PKHD1L1: variants seen among roughly 807,000 people sequenced by gnomAD.
PKHD1L1 encodes fibrocystin-L.
PKHD1L1 carries 434 observed loss-of-function variants against 462.9 expected under a neutral mutation model. The ratio of observed to expected loss-of-function variants is 0.94; its 90% CI spans 0.87 to 1.02. PKHD1L1 has a LOEUF of 1.02. Among genes scored for constraint, PKHD1L1 ranks in the 50% least tolerant of loss-of-function variants. The probability of loss-of-function intolerance (pLI) is 0.00; values close to 1 mark genes in which losing one functional copy is unlikely to be tolerated. For synonymous variants in PKHD1L1, 1,781 were observed against 1,750.0 expected (o/e 1.02, Z -0.44); for missense variants, 5,202 against 5,096.1 (o/e 1.02, Z -0.63).
chr8:109,441,755 A>G (rs1815806775), intron 34 of PKHD1L1, among the ~76,000 whole-genome samples: 1 of 150,486 alleles, frequency 6.6e-6, no homozygotes, highest in Non-Finnish European at 1.5e-5. Context: ...TGACTTTCCA[A>G]TTTTTTTTTC....
At chr8:109,408,534 A>G (rs1813680315) in intron 18 of PKHD1L1, among the ~76,000 whole-genome samples, 1 of 152,186 alleles carries the variant, frequency 6.6e-6, no homozygotes, top group African/African-American at 2.4e-5. Flanking sequence ...GTTATCCTGT[A>G]AAATCAGAAA....
chr8:109,504,560 G>T, intron 68 of PKHD1L1, 68 bp downstream of exon 68: 1 of 1,000,758 alleles, frequency 1.0e-6, no homozygotes, highest in Non-Finnish European at 1.4e-6. Context: ...TCCTGCTCAA[G>T]ATCTGAGAAA....
chr8:109,514,509 A>G (rs548957609), intron 71 of PKHD1L1, among the ~76,000 whole-genome samples: 1 of 152,286 alleles, frequency 6.6e-6, no homozygotes, highest in East Asian at 1.9e-4. Flanking sequence ...TACCTCTAAA[A>G]ATGAGAATGG....
At position 109,362,589 on chromosome 8, in the gene PKHD1L1, C is replaced by T. The variant is rs1319538893; in HGVS notation, c.9C>T (p.His3=). Residue 3 remains histidine, a synonymous_variant, in exon 1 of 78, where the codon CAC becomes CAT. Coordinates refer to ENST00000378402, the MANE Select transcript of PKHD1L1 (RefSeq NM_177531.6). ...GCAGAACTGGCTTTTCAATGGGACA[C>T]CTGTGGCTCCTGGGTATTTGGGGCC... The part of the protein sequence containing the change: MG[H]LWLLGIWGLC... 2.5e-6 allele frequency: 4 copies of T among 1,608,716 alleles called. No homozygotes were observed. Among genetic ancestry groups the T allele is most frequent in the Non-Finnish European group, 3.4e-6 (4 of 1,177,670 alleles).
intron 68 of PKHD1L1, among the ~76,000 whole-genome samples, chr8:109,505,782 G>A (rs1184489068): frequency 6.6e-6 from 1 of 152,050 alleles, no homozygotes; most frequent in Admixed American, 6.6e-5. Context: ...GTGTACACCT[G>A]TGGTCCTAGC....
Position 109,478,600 on chromosome 8 carries a change from C to T in PKHD1L1, c.9090-951C>T, listed in dbSNP as rs537250397. 2.0e-5 allele frequency among the ~76,000 whole-genome samples: 3 copies of T among 152,076 alleles called. No individual in the cohort carries two copies. In the East Asian group the frequency reaches 5.8e-4, roughly 29 times the overall value. On this transcript the variant is annotated intron_variant, in intron 53 of 77. Transcript: ENST00000378402. ...AGGGTGGGAGAAACCTAGGGAGCAA[C>T]TTGTGCAAGTGCCCTGACATAGAAA...
At chr8:109,516,812 T>G (rs189401057) in intron 72 of PKHD1L1, among the ~76,000 whole-genome samples, 11 of 152,182 alleles carry the variant, frequency 7.2e-5, no homozygotes, top group Admixed American at 5.2e-4. Flanking sequence ...TCATTCAGAG[T>G]TAGGAAAATA....
Position 109,463,235 on chromosome 8 carries a change from A to G in PKHD1L1, c.7384-981A>G, listed in dbSNP as rs544037951. On this transcript the variant is annotated intron_variant, in intron 48 of 77. Transcript: ENST00000378402. The stretch of plus-strand genomic sequence containing the variant: ...TGTATCTTATTTATATTCAGGCTGT[A>G]TAATCACGGTTTGGCATAGTTCTTA... 8.5e-5 allele frequency among the ~76,000 whole-genome samples: 13 copies of G among 152,304 alleles called. No homozygotes were observed. In the East Asian group the frequency reaches 2.1e-3, roughly 25 times the overall value.
At chr8:109,473,705 T>C (rs910146188) in intron 50 of PKHD1L1, among the ~76,000 whole-genome samples, 5 of 152,060 alleles carry the variant, frequency 3.3e-5, no homozygotes, top group Admixed American at 2.6e-4. Context: ...CAATCATTTA[T>C]TCTTAGGTGT....
rs1455829163 is a variant in PKHD1L1 at position 109,535,970 on chromosome 8, CAAAGGGAACAA to C, written c.*5882_*5892del. On this transcript the variant is annotated 3_prime_UTR_variant, in exon 78 of 78. Coordinates refer to ENST00000378402, the MANE Select transcript of PKHD1L1 (RefSeq NM_177531.6). ...GCTCTTTCATCCTATGCCTTTAAAACAAAGGGAACAAAGAAGGGAACAAAGAAGGTAGAAGC... is the reference window on the plus strand; with the variant it reads ...GCTCTTTCATCCTATGCCTTTAAAACAGAAGGGAACAAAGAAGGTAGAAGC... 6.5e-3 allele frequency among the ~76,000 whole-genome samples: 668 copies of C among 103,478 alleles called. 17 individuals carry two copies. Among genetic ancestry groups the C allele is most frequent in the Admixed American group, 0.055 (640 of 11,614 alleles). 67.9% of individuals were successfully genotyped at this position (103,478 alleles called of 152,430 possible).
chr8:109,500,851 A>G (rs1454656451), intron 67 of PKHD1L1, among the ~76,000 whole-genome samples: 2 of 152,104 alleles, frequency 1.3e-5, no homozygotes, highest in Non-Finnish European at 2.9e-5. Flanking sequence ...AGGATCAGTT[A>G]CTTCTGCCAG....
chr8:109,380,355 T>C (rs916413363), intron 2 of PKHD1L1, among the ~76,000 whole-genome samples: 2 of 152,184 alleles, frequency 1.3e-5, no homozygotes, highest in Non-Finnish European at 2.9e-5. Context: ...AGATGCCTTT[T>C]ATATTCAGCT....
intron 17 of PKHD1L1, among the ~76,000 whole-genome samples, chr8:109,406,852 C>G (rs1199169502): frequency 6.6e-6 from 1 of 151,740 alleles, no homozygotes; most frequent in East Asian, 1.9e-4. Flanking sequence ...ATGGGAGACA[C>G]TGTATACCAT....
chr8:109,451,254 T>G (rs1401456426), intron 41 of PKHD1L1, 105 bp downstream of exon 41: 2 of 1,175,362 alleles, frequency 1.7e-6, no homozygotes, highest in African/African-American at 3.1e-5. Context: ...TCATGCAATG[T>G]GTACCTATAT....
At chr8:109,413,794 C>T (rs1019177617) in intron 21 of PKHD1L1, among the ~76,000 whole-genome samples, 1 of 151,660 alleles carries the variant, frequency 6.6e-6, no homozygotes, top group African/African-American at 2.4e-5. Context: ...CACCCATAAC[C>T]ATAAAAAGAC....
chr8:109,377,407 T>C (rs1313182504), intron 2 of PKHD1L1, among the ~76,000 whole-genome samples: 2 of 152,164 alleles, frequency 1.3e-5, no homozygotes, highest in African/African-American at 4.8e-5. Flanking sequence ...ATATGGTCTG[T>C]AGGTAATTAA....
rs140652787 is a variant in PKHD1L1, at chr8:109,483,903, G to C, written c.9576+798G>C. ...AATGGTAGCAATTCTCATCTCTACT[G>C]TGCTCATAAACTATGCACAAGCCAT... On this transcript the variant is annotated intron_variant, in intron 57 of 77. Transcript: ENST00000378402. Among the ~76,000 whole-genome samples, 278 of 151,814 alleles carry C rather than the reference G, an allele frequency of 1.8e-3. 1 individual carries two copies. Among genetic ancestry groups the C allele is most frequent in the African/African-American group, 6.5e-3 (268 of 41,480 alleles).
Position 109,493,722 on chromosome 8 carries a change from G to T in PKHD1L1, c.10298G>T (p.Gly3433Val). The T allele has an allele frequency of 1.9e-6, 3 of 1,609,318 alleles. No individual in the cohort carries two copies. The highest frequency in any genetic ancestry group is 2.5e-6 in the Non-Finnish European group (3 of 1,177,426). ...GTAGTGGCTGGATTTGGAAGAGCAG[G>T]ATACCGCATTGATGGTGAACCTTGC... The part of the protein sequence containing the change: ...NNVVAGFGRA[G>V]YRIDGEPCPG... Residue 3433 changes from glycine (G) to valine (V), a missense_variant, in exon 63 of 78, where the codon GGA (glycine) becomes GTA (valine). Around this residue, in one of 3 missense-constraint regions of PKHD1L1, gnomAD observed 4,497 missense variants for 4,336.8 expected, o/e 1.04. Transcript: ENST00000378402.
intron 71 of PKHD1L1, among the ~76,000 whole-genome samples, chr8:109,514,246 C>T (rs1039733302): frequency 6.6e-6 from 1 of 152,146 alleles, no homozygotes; most frequent in African/African-American, 2.4e-5. Context: ...TCTCAATAGG[C>T]CTCCAAGATC....
Sources: gnomAD v4.1 joint callset for allele counts (sites outside exome capture counted in the v4.1 genomes callset) on GRCh38, gnomAD v4.1.1 for gene constraint, gnomAD v4.1.1 regional missense constraint, MANE v1.5 for transcripts, NCBI Gene and HGNC (gene_info 2026-07-23, HGNC 2026-07-21) for gene names.